Variants in LIPK observed in about 807,000 individuals in gnomAD.
The protein encoded by LIPK is lipase family member K.
In LIPK, 32 loss-of-function variants were observed where a neutral mutation model predicts 48.6. The observed-to-expected ratio is 0.66, with a 90% CI of 0.50 to 0.88. LIPK has a LOEUF of 0.88. LIPK is among the 40% of genes least tolerant of loss of function. The probability of loss-of-function intolerance (pLI) is 0.00; values close to 1 mark genes in which losing one functional copy is unlikely to be tolerated. For synonymous variants in LIPK, 164 were observed against 157.4 expected, an observed-to-expected ratio of 1.04 and a Z score of -0.32; for missense variants, 507 against 478.5, an observed-to-expected ratio of 1.06 and a Z score of -0.56.
At position 88,752,697 on chromosome 10, in the gene LIPK, G is replaced by T; in HGVS notation, c.1141G>T (p.Ala381Ser). ...TGTGGATTTTTACCTTGGAGAGGAT[G>T]CACCTCAGGAAATTTACCAAGACCT... ...NHVDFYLGED[A>S]PQEIYQDLII... is the part of the protein sequence containing the mutation. The change falls in exon 10 of 10, where the codon GCA becomes TCA. Residue 381 changes from alanine (A) to serine (S), a missense_variant. Transcript: ENST00000404190. The T allele has an allele frequency of 6.4e-7, 1 of 1,573,738 alleles. No individual in the cohort carries two copies. Among genetic ancestry groups the T allele is most frequent in the South Asian group, 1.2e-5 (1 of 85,908 alleles).
intron 6 of LIPK, among the ~76,000 whole-genome samples, chr10:88,734,929 C>T (rs955802271): frequency 6.6e-6 from 1 of 152,180 alleles, no homozygotes; most frequent in South Asian, 2.1e-4. Flanking sequence ...TGAAAGGCTT[C>T]CTTTTTTATG....
chr10:88,715,912 T>C (rs369545839), intron 1 of LIPK, among the ~76,000 whole-genome samples: 1 of 152,120 alleles, frequency 6.6e-6, no homozygotes, highest in East Asian at 1.9e-4. Context: ...TACCTCAAGA[T>C]TGCAAATTTG....
chr10:88,733,746 C>G (rs927266877), intron 6 of LIPK, among the ~76,000 whole-genome samples: 4 of 152,192 alleles, frequency 2.6e-5, no homozygotes, highest in Non-Finnish European at 4.4e-5. Context: ...CAGCTCTCTT[C>G]AAACTTCTGC....
intron 1 of LIPK, among the ~76,000 whole-genome samples, chr10:88,721,769 T>C (rs1388838948): frequency 6.6e-6 from 1 of 152,150 alleles, no homozygotes; most frequent in Non-Finnish European, 1.5e-5. Context: ...TTCAGAGGCC[T>C]CAAAACGCCA....
At chr10:88,729,628 T>C (rs772349783) in intron 3 of LIPK, among the ~76,000 whole-genome samples, 1 of 152,234 alleles carries the variant, frequency 6.6e-6, no homozygotes, top group African/African-American at 2.4e-5. Flanking sequence ...TCCCTGTGAT[T>C]TGTCTCAGAC....
At chr10:88,748,632 A>G (rs1464819554) in intron 9 of LIPK, among the ~76,000 whole-genome samples, 2 of 151,456 alleles carry the variant, frequency 1.3e-5, no homozygotes, top group Non-Finnish European at 2.9e-5. Flanking sequence ...AAAAAAAAAA[A>G]GAAAACAATA....
chr10:88,710,824 T>TA (rs1842014339), intron 1 of LIPK, among the ~76,000 whole-genome samples: 1 of 152,202 alleles, frequency 6.6e-6, no homozygotes, highest in Admixed American at 6.5e-5. Flanking sequence ...TTTAAGCAAC[T>TA]ACCTAAAGGC....
rs192224491 is a variant in LIPK, at chr10:88,723,007, C to T, written c.-11-1526C>T. The stretch of plus-strand genomic sequence containing the variant: ...CCAGGTGATCCTCTCACCTCAGCCC[C>T]ATGAGTAGCTGGGACTACAGGTGCA... On this transcript the variant is annotated intron_variant, in intron 1 of 9. Transcript: ENST00000404190. Among the ~76,000 whole-genome samples the T allele has an allele frequency of 1.8e-3, 269 of 150,858 alleles. 2 individuals are homozygous for T. Among genetic ancestry groups the T allele is most frequent in the African/African-American group, 6.2e-3 (256 of 41,022 alleles).
intron 3 of LIPK, among the ~76,000 whole-genome samples, chr10:88,729,657 A>G (rs572916011): frequency 1.3e-5 from 2 of 152,296 alleles, no homozygotes; most frequent in Non-Finnish European, 2.9e-5. Flanking sequence ...AAGAGGCCTG[A>G]TGGTACTTGA....
At chr10:88,736,704 G>A (rs571789851) in intron 6 of LIPK, among the ~76,000 whole-genome samples, 79 of 152,172 alleles carry the variant, frequency 5.2e-4, no homozygotes, top group Non-Finnish European at 1.1e-3. Flanking sequence ...ATTAAAATAC[G>A]GTGTTAAGAA....
Position 88,732,685 on chromosome 10 carries a change from C to G in LIPK, c.669+134C>G, listed in dbSNP as rs1842492758. On this transcript the variant is annotated intron_variant, in intron 6 of 9. Transcript: ENST00000404190. ...TATTCAAGATATCCATGTAAGTTCA[C>G]TGATGATGTATGCAATCTTATTAGC... The G allele has an allele frequency of 3.3e-6, 3 of 909,912 alleles. No homozygotes were observed. In the South Asian group the frequency reaches 5.2e-5, roughly 16 times the overall value. The allele number at this position is 909,912 out of a possible 1,614,324, so 56.4% of individuals were successfully genotyped here.
intron 9 of LIPK, among the ~76,000 whole-genome samples, chr10:88,746,688 C>T (rs1842771519): frequency 6.6e-6 from 1 of 152,050 alleles, no homozygotes; most frequent in South Asian, 2.1e-4. Flanking sequence ...AATTAAGAAC[C>T]TAACATCACA....
chr10:88,723,083 C>T (rs560025065), intron 1 of LIPK, among the ~76,000 whole-genome samples: 5 of 151,888 alleles, frequency 3.3e-5, no homozygotes, highest in African/African-American at 7.2e-5. Flanking sequence ...ACAGGGTTTT[C>T]CGTGTTGCCC....
intron 8 of LIPK, among the ~76,000 whole-genome samples, chr10:88,742,778 T>C (rs515333): frequency 0.22 from 33,368 of 151,888 alleles, 3,841 homozygotes; most frequent in East Asian, 0.36. Context: ...AAAAAAAAGT[T>C]TAAGGATAGG....
chr10:88,714,564 C>T (rs2134688464), intron 1 of LIPK, among the ~76,000 whole-genome samples: 1 of 152,194 alleles, frequency 6.6e-6, no homozygotes, highest in African/African-American at 2.4e-5. Context: ...AAAACAAATT[C>T]AACTTTTAAA....
rs546529277 is a variant in LIPK at position 88,736,583 on chromosome 10, C to T, written c.670-1052C>T. Among the ~76,000 whole-genome samples, 19 of 152,160 alleles carry T rather than the reference C, an allele frequency of 1.2e-4. No homozygotes were observed. The South Asian group carries it at 1.9e-3, about 15-fold the overall frequency. ...GTAAAAGGCAGGATCTGACTTTAAC[C>T]GGTAAACAAATTTATTTTTTATTTA... On this transcript the variant is annotated intron_variant, in intron 6 of 9. Transcript: ENST00000404190.
rs201296908 is a variant in LIPK at position 88,732,540 on chromosome 10, C to A, written c.658C>A (p.Arg220=). 183 of 1,609,126 alleles carry A rather than the reference C, an allele frequency of 1.1e-4. No homozygotes were observed. Among genetic ancestry groups the A allele is most frequent in the Non-Finnish European group, 1.5e-4 (177 of 1,178,668 alleles). Residue 220 remains arginine (R), a synonymous_variant, in exon 6 of 10, where the codon CGA becomes AGA. Transcript: ENST00000404190. Reference sequence around the variant, plus strand: ...GAAAAAACTAACAACCCTTTCCAGGCGAGTAGTTAAGGTATGTGACTTCCC... The same window carrying A: ...GAAAAAACTAACAACCCTTTCCAGGAGAGTAGTTAAGGTATGTGACTTCCC... ...PMKKLTTLSR[R]VVKVLFGDKM...
At chr10:88,738,797 C>T (rs1051179075) in intron 7 of LIPK, among the ~76,000 whole-genome samples, 1 of 152,208 alleles carries the variant, frequency 6.6e-6, no homozygotes, top group African/African-American at 2.4e-5. Context: ...TGTCAGATCA[C>T]CTTTTGTCTT....
At chr10:88,746,504 T>C (rs987301035) in intron 9 of LIPK, among the ~76,000 whole-genome samples, 2 of 151,852 alleles carry the variant, frequency 1.3e-5, no homozygotes, top group African/African-American at 4.8e-5. Flanking sequence ...TAGACAACCT[T>C]CTCCTGAATG....
Sources: gnomAD v4.1 joint callset for allele counts (sites outside exome capture counted in the v4.1 genomes callset) on GRCh38, gnomAD v4.1.1 for gene constraint, MANE v1.5 for transcripts, NCBI Gene and HGNC (gene_info 2026-07-23, HGNC 2026-07-21) for gene names.